The following NUP210 variants were observed in gnomAD, a reference collection of about 807,000 sequenced individuals.
NUP210 encodes nuclear pore membrane glycoprotein 210.
Under a neutral mutation model 196.0 loss-of-function variants are expected in NUP210, and 151 were observed. That is an observed-to-expected ratio of 0.77 (90% CI 0.67 to 0.88). The LOEUF is 0.88. Ranked by LOEUF, NUP210 falls within the 40% of genes least tolerant of loss-of-function variation. The probability of loss-of-function intolerance (pLI) is 0.00; values close to 1 mark genes in which losing one functional copy is unlikely to be tolerated. For synonymous variants in NUP210, 1,070 were observed against 1,052.7 expected, an observed-to-expected ratio of 1.02 and a Z score of -0.32; for missense variants, 2,314 against 2,493.7, an observed-to-expected ratio of 0.93 and a Z score of 1.53.
At chr3:13,377,035 G>A (rs940360222) in intron 9 of NUP210, among the ~76,000 whole-genome samples, 1 of 152,152 alleles carries the variant, frequency 6.6e-6, no homozygotes, top group Non-Finnish European at 1.5e-5. Flanking sequence ...GTCATGCAGG[G>A]TTCCAGGTAT....
At chr3:13,342,953 C>A (rs1383548507) in intron 21 of NUP210, among the ~76,000 whole-genome samples, 1 of 152,230 alleles carries the variant, frequency 6.6e-6, no homozygotes, top group Non-Finnish European at 1.5e-5. Context: ...TGCCAAGCCT[C>A]ATGGGTATGT....
At position 13,316,378 on chromosome 3, in the gene NUP210, C is replaced by G. The variant is rs972435471; in HGVS notation, c.*1303G>C. On this transcript the variant is annotated 3_prime_UTR_variant, in exon 40 of 40. Coordinates refer to ENST00000254508, the MANE Select transcript of NUP210 (RefSeq NM_024923.4). ...AGAAAAATCAACCACATGGCCCAGCCCTGAAGGACTGAAGGGAGCTTGTGC... is the reference window on the plus strand; with the variant it reads ...AGAAAAATCAACCACATGGCCCAGCGCTGAAGGACTGAAGGGAGCTTGTGC... 3 of 152,260 alleles carry G rather than the reference C, an allele frequency of 2.0e-5. No individual in the cohort carries two copies. Among genetic ancestry groups the G allele is most frequent in the African/African-American group, 7.2e-5 (3 of 41,460 alleles). 9.4% of individuals were successfully genotyped at this position (152,260 alleles called of 1,614,324 possible). A position where few individuals can be genotyped will look rare whatever the true frequency, so the allele number is the denominator to read the frequency against.
Position 13,391,301 on chromosome 3 carries a change from G to T in NUP210, c.443C>A (p.Thr148Asn), listed in dbSNP as rs1306567242. The change falls in exon 4 of 40, where the codon ACC (threonine) becomes AAC (asparagine). Residue 148 changes from threonine (T) to asparagine (N), a missense_variant. Thr to Asn is a moderately conservative substitution (Grantham distance 65). Coordinates refer to ENST00000254508, the MANE Select transcript of NUP210 (RefSeq NM_024923.4). ...KIQALDSEGN[T>N]FSTLAGLVFE... ...GACCAGTCCAGCCAGAGTGCTGAAG[G>T]TGTTCCCTATAAGAGCAGATGGGAG... 6.2e-7 allele frequency: 1 copy of T among 1,607,872 alleles called. No homozygotes were observed. The highest frequency in any genetic ancestry group is 1.3e-5 in the African/African-American group (1 of 74,808).
Position 13,325,821 on chromosome 3 carries a change from C to A in NUP210, c.4618G>T (p.Ala1540Ser), listed in dbSNP as rs749304606. The A allele has an allele frequency of 6.2e-6, 10 of 1,613,770 alleles. No homozygotes were observed. The highest frequency in any genetic ancestry group is 5.3e-5 in the African/African-American group (4 of 74,944). Residue 1540 changes from alanine to serine, a missense_variant, in exon 33 of 40, where the codon GCT becomes TCT. Transcript: ENST00000254508. Reference sequence around the variant, plus strand: ...TCCTTGTAGGTCCTCAGGTGCCCAGCGACCTCATAGTAAACCGTCACGGAT... The same window carrying A: ...TCCTTGTAGGTCCTCAGGTGCCCAGAGACCTCATAGTAAACCGTCACGGAT... ...VGSVTVYYEV[A>S]GHLRTYKEVV...
rs140622485 is a variant in NUP210 at position 13,372,052 on chromosome 3, C to G, written c.1588-20G>C. ...ATACACCTGGAAGACAGGGGCATGG[C>G]CTGGGCTCAGCTGCCTCCACAGGAG... is the stretch of plus-strand genomic sequence containing the variant. On this transcript the variant is annotated intron_variant, in intron 12 of 39. Transcript: ENST00000254508. The G allele has an allele frequency of 6.5e-7, 1 of 1,541,086 alleles. No homozygotes were observed. The highest frequency in any genetic ancestry group is 1.4e-5 in the African/African-American group (1 of 73,476).
chr3:13,402,122 C>T (rs1699858152), intron 1 of NUP210, among the ~76,000 whole-genome samples: 1 of 152,096 alleles, frequency 6.6e-6, no homozygotes, highest in South Asian at 2.1e-4. Flanking sequence ...ATCCCTTGAG[C>T]CCAGGAGTTC....
chr3:13,391,131 C>G, intron 4 of NUP210, 80 bp downstream of exon 4: 1 of 959,380 alleles, frequency 1.0e-6, no homozygotes, highest in East Asian at 2.6e-5. Flanking sequence ...GATGAAAGCC[C>G]CCCGCTGGTG....
chr3:13,322,133 G>C (rs1696556554), intron 35 of NUP210, 60 bp downstream of exon 35: 3 of 1,590,770 alleles, frequency 1.9e-6, no homozygotes, highest in Non-Finnish European at 2.6e-6. Context: ...GAAGCCGCAA[G>C]ATGCCCAGAA....
In NUP210 at chr3:13,383,769, C is replaced by T. The variant is rs55987468; in HGVS notation, c.817+2506G>A. On this transcript the variant is annotated intron_variant, in intron 6 of 39. Transcript: ENST00000254508. ...GTCTCGATTTCCTGACCTCATGATC[C>T]GCCCGCCTCGGCCTCCCAAAATGCT... Among the ~76,000 whole-genome samples the T allele has an allele frequency of 1.2e-3, 186 of 151,958 alleles. 1 individual carries two copies. Among genetic ancestry groups the T allele is most frequent in the Non-Finnish European group, 2.0e-3 (136 of 67,958 alleles).
intron 1 of NUP210, among the ~76,000 whole-genome samples, chr3:13,402,047 T>A (rs1392044913): frequency 1.3e-5 from 2 of 152,124 alleles, no homozygotes; most frequent in East Asian, 1.9e-4. Context: ...AAAATTTTTT[T>A]AATTAGCCAG....
At chr3:13,341,967 G>A (rs1365339465) in intron 22 of NUP210, 29 bp downstream of exon 22, 5 of 1,613,722 alleles carry the variant, frequency 3.1e-6, no homozygotes, top group Non-Finnish European at 4.2e-6. Context: ...TCTCTGAGGT[G>A]CCCTCCTCTG....
intron 1 of NUP210, among the ~76,000 whole-genome samples, chr3:13,409,890 G>A (rs1442665444): frequency 3.3e-5 from 5 of 151,144 alleles, no homozygotes; most frequent in African/African-American, 1.2e-4. Context: ...AGGCTGGAGT[G>A]CAGTGGTACG....
At chr3:13,392,671 C>T (rs1192076769) in intron 3 of NUP210, among the ~76,000 whole-genome samples, 1 of 152,232 alleles carries the variant, frequency 6.6e-6, no homozygotes, top group Non-Finnish European at 1.5e-5. Flanking sequence ...GAGCTCATCG[C>T]CCAGCACAGC....
intron 1 of NUP210, among the ~76,000 whole-genome samples, chr3:13,419,678 T>A (rs6795838): frequency 3.3e-5 from 5 of 151,936 alleles, no homozygotes; most frequent in Admixed American, 1.3e-4. Flanking sequence ...GGTCCCAGAC[T>A]CAAGGGAAGT....
rs377727658 is a variant in NUP210 at position 13,403,746 on chromosome 3, C to T, written c.168-3885G>A. Among the ~76,000 whole-genome samples, 18 of 152,256 alleles carry T rather than the reference C, an allele frequency of 1.2e-4. 1 individual carries two copies. In the South Asian group the frequency reaches 2.5e-3, roughly 21 times the overall value. The stretch of plus-strand genomic sequence containing the variant: ...AGAAAGTCCCTCCTCTCAGCACTGA[C>T]GACAGAGCCTGGGGGAGAGAGAAAG... On this transcript the variant is annotated intron_variant, in intron 1 of 39. Transcript: ENST00000254508.
chr3:13,343,336 TG>T, intron 20 of NUP210, 33 bp from the exon 21 acceptor site: 1 of 260,384 alleles, frequency 3.8e-6, no homozygotes, highest in Non-Finnish European at 7.2e-6. Context: ...GAGGGGTGGG[TG>T]GTGGGTTACG....
chr3:13,357,967 A>G (rs978150624), intron 16 of NUP210, among the ~76,000 whole-genome samples: 1 of 152,232 alleles, frequency 6.6e-6, no homozygotes, highest in African/African-American at 2.4e-5. Flanking sequence ...AATGTGGAAG[A>G]GGACTCTATC....
intron 1 of NUP210, among the ~76,000 whole-genome samples, chr3:13,408,232 T>C (rs773500039): frequency 5.4e-4 from 83 of 152,350 alleles, no homozygotes; most frequent in African/African-American, 1.6e-3. Context: ...TACCAGATCA[T>C]GATATATTAG....
intron 11 of NUP210, among the ~76,000 whole-genome samples, chr3:13,374,518 T>G (rs998698216): frequency 8.5e-5 from 13 of 152,078 alleles, no homozygotes; most frequent in Non-Finnish European, 1.5e-4. Context: ...GCCCTCACCC[T>G]CTTTGTCCTG....
Sources: allele counts gnomAD v4.1 joint callset (sites outside exome capture counted in the v4.1 genomes callset), GRCh38; gene constraint gnomAD v4.1.1; transcripts MANE v1.5; gene names NCBI Gene and HGNC (gene_info 2026-07-23, HGNC 2026-07-21).